Variants in TLE4 observed in about 807,000 individuals in gnomAD.
TLE4 encodes transducin-like enhancer protein 4.
Under a neutral mutation model 92.8 loss-of-function variants are expected in TLE4, and 8 were observed. That is an observed-to-expected ratio of 0.09 (90% confidence interval 0.05 to 0.16). TLE4 has a LOEUF of 0.16. TLE4 is among the 10% of genes least tolerant of loss of function. The pLI is 1.00. For synonymous variants in TLE4, 371 were observed against 374.1 expected, an observed-to-expected ratio of 0.99 and a Z score of 0.10; for missense variants, 675 against 997.6, an observed-to-expected ratio of 0.68 and a Z score of 4.36.
At position 79,706,833 on chromosome 9, in the gene TLE4, G is replaced by A. The variant is rs754797671; in HGVS notation, c.870G>A (p.Pro290=). 12 of 1,613,966 alleles carry A rather than the reference G, an allele frequency of 7.4e-6. No homozygotes were observed. Among genetic ancestry groups the A allele is most frequent in the Admixed American group, 3.3e-5 (2 of 59,980 alleles). ...DKTRLLKKDA[P]ISPASIASSS... ...CACGCCTGCTCAAGAAAGATGCCCC[G>A]ATTAGTCCAGCCTCTATTGCATCTT... Residue 290 remains proline, a synonymous_variant, in exon 11 of 20, where the codon CCG becomes CCA. Transcript: ENST00000376552.
rs2036126998 is a variant in TLE4 at position 79,572,687 on chromosome 9, G to T, written c.-104G>T. ...CCGGGACCGCCCGAGCCGCCCCTCA[G>T]ACCGAGCCGGCCGCCTCCGCTGCCG... On this transcript the variant is annotated 5_prime_UTR_variant, in exon 1 of 20. Transcript: ENST00000376552. The T allele has an allele frequency of 2.4e-6, 3 of 1,259,678 alleles. No homozygotes were observed. The highest frequency in any genetic ancestry group is 2.6e-5 in the South Asian group (2 of 77,362). The allele number at this position is 1,259,678 out of a possible 1,614,324, so 78.0% of individuals were successfully genotyped here.
At chr9:79,724,989 G>C (rs1406820815) in intron 19 of TLE4, 48 bp from the exon 20 acceptor site, 3 of 1,445,496 alleles carry the variant, frequency 2.1e-6, no homozygotes, top group Non-Finnish European at 2.9e-6. Context: ...ATACTCATGG[G>C]ATTTTCTTTC....
chr9:79,722,803 G>C (rs547140872), intron 18 of TLE4, among the ~76,000 whole-genome samples, 156 bp from the exon 19 acceptor site: 1 of 152,130 alleles, frequency 6.6e-6, no homozygotes, highest in African/African-American at 2.4e-5. Flanking sequence ...TTAGTGACTC[G>C]ATTAAATCCA....
chr9:79,653,026 C>T, intron 7 of TLE4: 2 of 582,996 alleles, frequency 3.4e-6, no homozygotes, highest in South Asian at 3.1e-5. Flanking sequence ...CTGGTTATTG[C>T]CTTTGATTTC....
chr9:79,641,351 A>G, intron 6 of TLE4, among the ~76,000 whole-genome samples: 1 of 152,170 alleles, frequency 6.6e-6, no homozygotes, highest in East Asian at 1.9e-4. Flanking sequence ...CCAGATTTAT[A>G]CCAGTTAAAG....
chr9:79,690,781 T>C (rs1056205912), intron 8 of TLE4, among the ~76,000 whole-genome samples: 1,000 of 37,124 alleles, frequency 0.027, 6 homozygotes, highest in Non-Finnish European at 0.053. Context: ...ACTCCTGGCT[T>C]TTTTTTTTTT....
In TLE4 at chr9:79,572,579, G is replaced by T; in HGVS notation, c.-212G>T. 4.8e-6 allele frequency: 1 copy of T among 206,656 alleles called. No homozygotes were observed. The highest frequency in any genetic ancestry group is 9.6e-6 in the Non-Finnish European group (1 of 103,782). The allele number at this position is 206,656 out of a possible 1,614,324, so 12.8% of individuals were successfully genotyped here. ...CCGCGGCGGGCCAGTGACGCCCGCG[G>T]GGAATGCGGAGCGGCCCGGCAGCCG... On this transcript the variant is annotated 5_prime_UTR_variant, in exon 1 of 20. Coordinates refer to ENST00000376552, the MANE Select transcript of TLE4 (RefSeq NM_007005.6).
At chr9:79,573,319 G>T in intron 1 of TLE4, 1 of 1,054,738 alleles carries the variant, frequency 9.5e-7, no homozygotes. Flanking sequence ...CGGCCTGACC[G>T]CAGCCCGACG....
At chr9:79,698,763 G>A (rs1214655247) in intron 8 of TLE4, among the ~76,000 whole-genome samples, 1 of 151,722 alleles carries the variant, frequency 6.6e-6, no homozygotes, top group African/African-American at 2.4e-5. Flanking sequence ...AAATTTACAT[G>A]TGTTATGTGT....
At chr9:79,663,142 C>G (rs1328039243) in intron 8 of TLE4, among the ~76,000 whole-genome samples, 1 of 152,120 alleles carries the variant, frequency 6.6e-6, no homozygotes. Context: ...GATTGGGACT[C>G]GCACAGCTAG....
At chr9:79,588,163 T>TGTGTGTGTGTGTGTGTGTG (rs1554691196) in intron 4 of TLE4, among the ~76,000 whole-genome samples, 12 of 151,562 alleles carry the variant, frequency 7.9e-5, no homozygotes, top group Non-Finnish European at 1.0e-4. Context: ...TGTGTGTGTG[T>TGTGTGTGTGTGTGTGTGTG]TTTGAGATAG....
In TLE4 at chr9:79,709,195, G is replaced by A. The variant is rs138870641; in HGVS notation, c.1263+409G>A. On this transcript the variant is annotated intron_variant, in intron 13 of 19. Coordinates refer to ENST00000376552, the MANE Select transcript of TLE4 (RefSeq NM_007005.6). ...TTTAGAGATCTGTGGGTATTTATAAGTTAAGCTACATGTGATTATAATCTT... is the reference window on the plus strand; with the variant it reads ...TTTAGAGATCTGTGGGTATTTATAAATTAAGCTACATGTGATTATAATCTT... 2.9e-3 allele frequency among the ~76,000 whole-genome samples: 449 copies of A among 152,248 alleles called. 3 individuals carry two copies. The highest frequency in any genetic ancestry group is 9.9e-3 in the African/African-American group (411 of 41,562).
At chr9:79,688,563 G>A (rs1344285574) in intron 8 of TLE4, among the ~76,000 whole-genome samples, 2 of 151,922 alleles carry the variant, frequency 1.3e-5, no homozygotes, top group East Asian at 3.9e-4. Context: ...ATGCATAAAT[G>A]TGTTTTAAGA....
intron 6 of TLE4, among the ~76,000 whole-genome samples, chr9:79,644,481 C>T (rs977234278): frequency 6.6e-5 from 10 of 152,146 alleles, no homozygotes; most frequent in East Asian, 1.9e-4. Context: ...TAACTGTTCT[C>T]GCTTTTTACA....
At chr9:79,582,623 T>C (rs2132058674) in intron 4 of TLE4, among the ~76,000 whole-genome samples, 1 of 151,648 alleles carries the variant, frequency 6.6e-6, no homozygotes, top group African/African-American at 2.4e-5. Context: ...GTTATTTGTG[T>C]TTGTTTTTAA....
chr9:79,682,395 C>G (rs750022892), intron 8 of TLE4, among the ~76,000 whole-genome samples: 1 of 152,130 alleles, frequency 6.6e-6, no homozygotes, highest in Non-Finnish European at 1.5e-5. Context: ...CACATCTGGC[C>G]CTCAAGGATT....
intron 4 of TLE4, among the ~76,000 whole-genome samples, chr9:79,605,659 A>T (rs1238073146): frequency 6.6e-6 from 1 of 152,080 alleles, no homozygotes; most frequent in Non-Finnish European, 1.5e-5. Context: ...GTACCATGAA[A>T]TGTGGGTATA....
intron 8 of TLE4, among the ~76,000 whole-genome samples, chr9:79,690,499 A>G (rs2066819025): frequency 6.6e-6 from 1 of 152,178 alleles, no homozygotes; most frequent in South Asian, 2.1e-4. Context: ...TGAAGTTCCT[A>G]GTTGTTTCTC....
intron 8 of TLE4, among the ~76,000 whole-genome samples, chr9:79,663,164 A>G (rs558734623): frequency 3.9e-5 from 6 of 152,316 alleles, no homozygotes; most frequent in African/African-American, 7.2e-5. Flanking sequence ...GGCAACGGCA[A>G]TCATGAAGAC....
Sources: allele counts gnomAD v4.1 joint callset (sites outside exome capture counted in the v4.1 genomes callset), GRCh38; gene constraint gnomAD v4.1.1; transcripts MANE v1.5; gene names NCBI Gene and HGNC (gene_info 2026-07-23, HGNC 2026-07-21).